The following PHF21B variants were observed in gnomAD, a reference collection of about 807,000 sequenced individuals.
PHF21B encodes PHD finger protein 4.
Under a neutral mutation model 62.2 loss-of-function variants are expected in PHF21B, and 22 were observed. The observed-to-expected ratio is 0.35, with a 90% confidence interval of 0.25 to 0.51. PHF21B has a LOEUF of 0.51. PHF21B is among the 20% of genes least tolerant of loss of function. PHF21B has a pLI of 0.97. For synonymous variants in PHF21B, 341 were observed against 314.7 expected (o/e 1.08, Z -0.88); for missense variants, 701 against 707.9 (o/e 0.99, Z 0.11).
chr22:44,996,655 TACAC>T (rs369849208), intron 2 of PHF21B, among the ~76,000 whole-genome samples: 1 of 151,116 alleles, frequency 6.6e-6, no homozygotes, highest in East Asian at 1.9e-4. Flanking sequence ...CCACCTGTCC[TACAC>T]ACACACACAG....
chr22:44,883,341 T>G (rs777444721), intron 12 of PHF21B, 37 bp from the exon 13 acceptor site: 1 of 1,597,260 alleles, frequency 6.3e-7, no homozygotes, highest in South Asian at 1.1e-5. Flanking sequence ...GGTCTCAGTA[T>G]TCGGCTCTAC....
At chr22:44,970,010 ACTACAGGTGGTCAACT>A (rs751754758) in intron 2 of PHF21B, among the ~76,000 whole-genome samples, 6 of 152,184 alleles carry the variant, frequency 3.9e-5, no homozygotes, top group Non-Finnish European at 7.3e-5. Context: ...ACTTCATGAA[ACTACAGGTGGTCAACT>A]CTACAGGTGG....
chr22:44,929,910 G>C (rs866730513), intron 2 of PHF21B, among the ~76,000 whole-genome samples: 2 of 152,168 alleles, frequency 1.3e-5, no homozygotes, highest in East Asian at 1.9e-4. Context: ...GTGAGGCAGC[G>C]AGCCCAGGCC....
intron 2 of PHF21B, among the ~76,000 whole-genome samples, chr22:44,957,877 C>G (rs1802453922): frequency 6.6e-6 from 1 of 150,874 alleles, no homozygotes; most frequent in African/African-American, 2.4e-5. Context: ...AAGCAGAACT[C>G]TAGCTGGACC....
intron 2 of PHF21B, among the ~76,000 whole-genome samples, chr22:44,975,745 A>C (rs963866702): frequency 2.0e-5 from 3 of 152,244 alleles, no homozygotes; most frequent in African/African-American, 7.2e-5. Context: ...CGTGGTGCTG[A>C]ACCAGCAGGG....
chr22:44,890,368 A>G (rs2070941799), intron 8 of PHF21B, among the ~76,000 whole-genome samples: 1 of 152,196 alleles, frequency 6.6e-6, no homozygotes, highest in Non-Finnish European at 1.5e-5. Flanking sequence ...GATCGCAAAC[A>G]TATATATCTT....
At chr22:44,917,046 C>T (rs2071449373) in intron 3 of PHF21B, among the ~76,000 whole-genome samples, 3 of 152,198 alleles carry the variant, frequency 2.0e-5, no homozygotes, top group Admixed American at 2.0e-4. Flanking sequence ...GGAGGGGCTT[C>T]GAGGGCTCCT....
chr22:44,896,105 G>A lies in PHF21B; in HGVS notation c.832-22C>T, dbSNP rs554859587. ...TTTTCTGAGGGAAGGAACAGACAAA[G>A]GAGCATTAACACAACCGTCAAAGTT... On this transcript the variant is annotated intron_variant, in intron 5 of 12. Transcript: ENST00000313237. The A allele has an allele frequency of 1.9e-5, 30 of 1,614,014 alleles. 1 individual carries two copies. The South Asian group carries it at 3.2e-4, about 17-fold the overall frequency.
rs1451538551 is a variant in PHF21B, at chr22:45,009,262, T to C, written c.54+234A>G. ...CATCGCTTAAGAGAAGACTCCAGGC[T>C]CGGGTCCCACGCGTCCTCGATCCCG... On this transcript the variant is annotated intron_variant, in intron 1 of 12. Transcript: ENST00000313237. The surrounding 1 kb of genome is among the most constrained non-coding windows in gnomAD (Gnocchi z 5.9). 1.8e-6 allele frequency: 1 copy of C among 545,508 alleles called. No homozygotes were observed. The highest frequency in any genetic ancestry group is 3.1e-6 in the Non-Finnish European group (1 of 320,804). 33.8% of individuals were successfully genotyped at this position (545,508 alleles called of 1,614,324 possible).
chr22:44,895,107 C>A (rs536395448), intron 6 of PHF21B, among the ~76,000 whole-genome samples: 2 of 152,328 alleles, frequency 1.3e-5, no homozygotes, highest in South Asian at 2.1e-4. Context: ...CTTTATAAAA[C>A]GCCTTTGCAG....
intron 5 of PHF21B, among the ~76,000 whole-genome samples, chr22:44,905,879 C>T (rs1048821587): frequency 4.6e-5 from 7 of 152,184 alleles, no homozygotes; most frequent in African/African-American, 9.7e-5. Flanking sequence ...CCGCCCACCT[C>T]GGCCTCCCGA....
intron 2 of PHF21B, among the ~76,000 whole-genome samples, chr22:44,962,058 T>C (rs898051575): frequency 6.6e-6 from 1 of 152,164 alleles, no homozygotes; most frequent in Non-Finnish European, 1.5e-5. Flanking sequence ...TTGTGAGTAA[T>C]GCTGAGATGT....
rs780181999 is a variant in PHF21B at position 44,916,561 on chromosome 22, G to T, written c.283C>A (p.Pro95Thr). The change falls in exon 4 of 13, where the codon CCC becomes ACC. Residue 95 changes from proline (P) to threonine (T), a missense_variant. Physicochemically the swap from Pro to Thr is conservative, Grantham distance 38. Transcript: ENST00000313237. The stretch of plus-strand genomic sequence containing the variant: ...ACGGTGGCCTTCTGGAATGTTGGGG[G>T]CTGCTTGGGTGGCCGGTCCCGGCCC... ...APGRDRPPKQ[P>T]PTFQKATVVS... The T allele has an allele frequency of 5.0e-5, 81 of 1,608,436 alleles. 2 individuals are homozygous for T. In the Middle Eastern group the frequency reaches 1.7e-3, roughly 33 times the overall value.
At chr22:44,958,598 A>ATTTTTTTTTTTTTTTT (rs59943293) in intron 2 of PHF21B, among the ~76,000 whole-genome samples, 2 of 75,886 alleles carry the variant, frequency 2.6e-5, no homozygotes, top group Admixed American at 2.3e-4. Flanking sequence ...CCTTCCTTTG[A>ATTTTTTTTTTTTTTTT]TTTTTTTTTT....
intron 2 of PHF21B, among the ~76,000 whole-genome samples, chr22:44,939,500 G>C (rs2071913838): frequency 6.6e-6 from 1 of 152,232 alleles, no homozygotes; most frequent in African/African-American, 2.4e-5. Flanking sequence ...AGCTTCCCAG[G>C]TGGGGGCGGC....
At chr22:44,931,712 G>A (rs1371928433) in intron 2 of PHF21B, among the ~76,000 whole-genome samples, 1 of 152,128 alleles carries the variant, frequency 6.6e-6, no homozygotes, top group Non-Finnish European at 1.5e-5. Flanking sequence ...GTGTATTCTG[G>A]AAACTTCTGC....
intron 5 of PHF21B, among the ~76,000 whole-genome samples, chr22:44,913,370 T>C (rs965698905): frequency 6.6e-6 from 1 of 152,116 alleles, no homozygotes; most frequent in Non-Finnish European, 1.5e-5. Context: ...GAGGGGCCCA[T>C]AGCCGGGGCC....
intron 2 of PHF21B, chr22:44,988,999 G>C (rs1168293610): frequency 6.6e-6 from 1 of 152,128 alleles, no homozygotes; most frequent in African/African-American, 2.4e-5. Flanking sequence ...TTATTTATGA[G>C]GGTGTAGCCC....
chr22:44,958,014 T>C (rs2072336439), intron 2 of PHF21B, among the ~76,000 whole-genome samples: 1 of 152,042 alleles, frequency 6.6e-6, no homozygotes, highest in South Asian at 2.1e-4. Context: ...GCGATTCTCC[T>C]GCCTCTGCCT....
Sources: allele counts gnomAD v4.1 joint callset (sites outside exome capture counted in the v4.1 genomes callset), GRCh38; gene constraint gnomAD v4.1.1; non-coding constraint Gnocchi (gnomAD v3.1); transcripts MANE v1.5; gene names NCBI Gene and HGNC (gene_info 2026-07-23, HGNC 2026-07-21).